HSPG2: variants seen among roughly 807,000 people sequenced by gnomAD.
HSPG2 encodes heparan sulfate proteoglycan 2.
Under a neutral mutation model 526.6 loss-of-function variants are expected in HSPG2, and 278 were observed. That is an observed-to-expected ratio of 0.53 (90% CI 0.48 to 0.58). The LOEUF is 0.58. Ranked by LOEUF, HSPG2 falls within the 20% of genes least tolerant of loss-of-function variation. The pLI is 0.00. For missense variants in HSPG2, 5,354 were observed against 6,099.5 expected (o/e 0.88, Z 4.07); for synonymous variants, 2,465 against 2,555.4 (o/e 0.96, Z 1.07).
chr1:21,837,304 C>T (rs539879805), intron 74 of HSPG2, among the ~76,000 whole-genome samples: 12 of 152,286 alleles, frequency 7.9e-5, no homozygotes, highest in South Asian at 6.2e-4. Context: ...TTTTTTGAGA[C>T]GGAGTCTCGC....
chr1:21,851,982 C>T (rs1572226873), intron 53 of HSPG2, 56 bp from the exon 54 acceptor site: 2 of 1,608,694 alleles, frequency 1.2e-6, no homozygotes, highest in Non-Finnish European at 1.7e-6. Flanking sequence ...AGCAAATGCC[C>T]CACCGCTGTC....
chr1:21,892,174 C>T (rs939062020), intron 3 of HSPG2, among the ~76,000 whole-genome samples: 1 of 152,234 alleles, frequency 6.6e-6, no homozygotes, highest in Non-Finnish European at 1.5e-5. Context: ...AAAGCCCTGG[C>T]GCTGCCTGCC....
chr1:21,866,547 G>A (rs1035258848), intron 33 of HSPG2, among the ~76,000 whole-genome samples: 5 of 152,174 alleles, frequency 3.3e-5, no homozygotes, highest in Admixed American at 2.0e-4. Flanking sequence ...TGAGCCCCTG[G>A]ATAAGGCCAT....
In HSPG2 at chr1:21,880,817, A is replaced by G. The variant is rs1641441812; in HGVS notation, c.1837T>C (p.Ser613Pro). Residue 613 changes from serine to proline, a missense_variant, in exon 15 of 97, where the codon TCC (serine) becomes CCC (proline). Coordinates refer to ENST00000374695, the MANE Select transcript of HSPG2 (RefSeq NM_005529.7). ...LGNKVDSYGG[S>P]LRYNVRYELA... is the part of the protein sequence containing the mutation. ...TCGTAGCGCACGTTGTAACGCAGGG[A>G]GCCGCCATAGGAGTCCACCTGGCAC... 1.1e-5 allele frequency: 17 copies of G among 1,592,926 alleles called. No homozygotes were observed. Among genetic ancestry groups the G allele is most frequent in the Non-Finnish European group, 1.5e-5 (17 of 1,171,042 alleles).
chr1:21,873,512 G>A (rs1640814268), intron 29 of HSPG2, 88 bp from the exon 30 acceptor site: 1 of 1,231,978 alleles, frequency 8.1e-7, no homozygotes, highest in Non-Finnish European at 1.2e-6. Flanking sequence ...TGAATTCAAT[G>A]GCCTCATGCA....
chr1:21,878,851 C>G, intron 18 of HSPG2, 143 bp downstream of exon 18: 1 of 1,239,366 alleles, frequency 8.1e-7, no homozygotes, highest in African/African-American at 1.5e-5. Context: ...GAAACAGAGG[C>G]CTAGAGAGGT....
intron 26 of HSPG2, 44 bp downstream of exon 26, chr1:21,874,847 C>T (rs1009552246): frequency 2.6e-6 from 4 of 1,552,758 alleles, no homozygotes; most frequent in Non-Finnish European, 3.5e-6. Context: ...GCGGGAAGCA[C>T]CATGGAGGGG....
In HSPG2 at chr1:21,870,224, G is replaced by A. The variant is rs1055156657; in HGVS notation, c.4221+1962C>T. ...AGGTCCTCAGTTACCTGTGATGCCC[G>A]CTGTGCCCAGTCCCTGCCCTCTGGG... is the stretch of plus-strand genomic sequence containing the variant. On this transcript the variant is annotated intron_variant, in intron 33 of 96. Coordinates refer to ENST00000374695, the MANE Select transcript of HSPG2 (RefSeq NM_005529.7). 2.1e-5 allele frequency: 21 copies of A among 985,430 alleles called. No homozygotes were observed. The Admixed American group carries it at 3.7e-4, about 17-fold the overall frequency. The allele number at this position is 985,430 out of a possible 1,614,324, so 61.0% of individuals were successfully genotyped here.
chr1:21,894,365 G>T (rs952645367), intron 3 of HSPG2, among the ~76,000 whole-genome samples: 1 of 152,064 alleles, frequency 6.6e-6, no homozygotes, highest in African/African-American at 2.4e-5. Context: ...ACTGCCCTTG[G>T]TCAAGTCTGA....
Position 21,828,730 on chromosome 1 carries a change from T to A in HSPG2, c.12237+105A>T, listed in dbSNP as rs550155276. The A allele has an allele frequency of 1.6e-5, 24 of 1,490,018 alleles. No homozygotes were observed. The African/African-American group carries it at 2.6e-4, about 16-fold the overall frequency. 92.3% of individuals were successfully genotyped at this position (1,490,018 alleles called of 1,614,324 possible). A position where few individuals can be genotyped will look rare whatever the true frequency, so the allele number is the denominator to read the frequency against. On this transcript the variant is annotated intron_variant, in intron 88 of 96. Coordinates refer to ENST00000374695, the MANE Select transcript of HSPG2 (RefSeq NM_005529.7). This position sits in a 1 kb window ranked among gnomAD's most constrained non-coding sequence, Gnocchi z 6.0. ...AGTGTCCTGGCCCAGGGCCCGTGGG[T>A]GGCTGCAGGTGGAGGGGCCCAATGC...
At chr1:21,916,876 C>T (rs1643899164) in intron 1 of HSPG2, among the ~76,000 whole-genome samples, 1 of 152,138 alleles carries the variant, frequency 6.6e-6, no homozygotes, top group Non-Finnish European at 1.5e-5. Flanking sequence ...CTGAGGTTTG[C>T]CAAGGCTGCA....
rs377609659 is a variant in HSPG2, at chr1:21,839,092, G to C, written c.9890-7C>G. The C allele has an allele frequency of 5.7e-6, 9 of 1,574,628 alleles. No individual in the cohort carries two copies. In the African/African-American group the frequency reaches 6.7e-5, roughly 12 times the overall value. On this transcript the variant is annotated splice_region_variant and splice_polypyrimidine_tract_variant and intron_variant, in intron 73 of 96. Coordinates refer to ENST00000374695, the MANE Select transcript of HSPG2 (RefSeq NM_005529.7). This position sits in a 1 kb window ranked among gnomAD's most constrained non-coding sequence, Gnocchi z 4.5. ...GTGGTGGCATATGGTGGGCCTGAGTGGGGGGACACAGAGGTCAGGATTGGG... is the reference window on the plus strand; with the variant it reads ...GTGGTGGCATATGGTGGGCCTGAGTCGGGGGACACAGAGGTCAGGATTGGG...
At chr1:21,917,014 C>T (rs1037922458) in intron 1 of HSPG2, among the ~76,000 whole-genome samples, 2 of 152,204 alleles carry the variant, frequency 1.3e-5, no homozygotes, top group Non-Finnish European at 2.9e-5. Context: ...AAGGCTGCCT[C>T]GTTAATCAAG....
At chr1:21,892,381 C>T (rs1642430278) in intron 3 of HSPG2, among the ~76,000 whole-genome samples, 2 of 152,390 alleles carry the variant, frequency 1.3e-5, no homozygotes, top group East Asian at 1.9e-4. Context: ...CAGGAATGTG[C>T]CCGCTCCTGG....
rs532280208 is a variant in HSPG2, at chr1:21,841,861, T to A, written c.9193+141A>T. 18 of 1,344,924 alleles carry A rather than the reference T, an allele frequency of 1.3e-5. No individual in the cohort carries two copies. In the African/African-American group the frequency reaches 2.6e-4, roughly 19 times the overall value. The allele number at this position is 1,344,924 out of a possible 1,614,324, so 83.3% of individuals were successfully genotyped here. On this transcript the variant is annotated intron_variant, in intron 69 of 96. Coordinates refer to ENST00000374695, the MANE Select transcript of HSPG2 (RefSeq NM_005529.7). ...ACTCCTGGGTCCAGCGCTCTTGCCATACAGAGACGGGAAGGGCCTTACTCA... is the reference window on the plus strand; with the variant it reads ...ACTCCTGGGTCCAGCGCTCTTGCCAAACAGAGACGGGAAGGGCCTTACTCA...
rs559484140 is a variant in HSPG2, at chr1:21,824,249, G to A, written c.12816-45C>T. 1 of 1,613,232 alleles carries A rather than the reference G, an allele frequency of 6.2e-7. No individual in the cohort carries two copies. Among genetic ancestry groups the A allele is most frequent in the East Asian group, 2.2e-5 (1 of 44,868 alleles). On this transcript the variant is annotated intron_variant, in intron 94 of 96. Coordinates refer to ENST00000374695, the MANE Select transcript of HSPG2 (RefSeq NM_005529.7). This position sits in a 1 kb window ranked among gnomAD's most constrained non-coding sequence, Gnocchi z 5.9. ...AGAAGTATGAGCTGGGGCAGGACCGGGGGGTGGGGTGCTGGGACCAGGGAA... is the reference window on the plus strand; with the variant it reads ...AGAAGTATGAGCTGGGGCAGGACCGAGGGGTGGGGTGCTGGGACCAGGGAA...
intron 76 of HSPG2, 75 bp from the exon 77 acceptor site, chr1:21,835,020 C>G (rs778588360): frequency 1.3e-6 from 2 of 1,540,088 alleles, no homozygotes; most frequent in African/African-American, 1.4e-5. Context: ...ATAGACTGCC[C>G]AAGGAAAGGT....
Position 21,848,518 on chromosome 1 carries a change from A to G in HSPG2, c.7737+125T>C. ...CTCAGCACTGGTCTAGGACCCATCC[A>G]GCAAGGATACTCAATGTTTGTTGAA... On this transcript the variant is annotated intron_variant, in intron 59 of 96. Coordinates refer to ENST00000374695, the MANE Select transcript of HSPG2 (RefSeq NM_005529.7). The surrounding 1 kb of genome is among the most constrained non-coding windows in gnomAD (Gnocchi z 4.9). 1 of 1,157,076 alleles carries G rather than the reference A, an allele frequency of 8.6e-7. No individual in the cohort carries two copies. The highest frequency in any genetic ancestry group is 1.7e-5 in the Admixed American group (1 of 59,204). The allele number at this position is 1,157,076 out of a possible 1,614,324, so 71.7% of individuals were successfully genotyped here.
At chr1:21,863,445 T>G (rs534037805) in intron 37 of HSPG2, among the ~76,000 whole-genome samples, 7 of 152,092 alleles carry the variant, frequency 4.6e-5, no homozygotes, top group Non-Finnish European at 1.0e-4. Flanking sequence ...CAGATTCTCC[T>G]CCAAAGAGAT....
Sources: allele counts gnomAD v4.1 joint callset (sites outside exome capture counted in the v4.1 genomes callset), GRCh38; gene constraint gnomAD v4.1.1; non-coding constraint Gnocchi (gnomAD v3.1); transcripts MANE v1.5; gene names NCBI Gene and HGNC (gene_info 2026-07-23, HGNC 2026-07-21).